Variants in TMEM35A observed in about 807,000 individuals in gnomAD.
TMEM35A encodes nicotinic acetylcholine receptor chaperone.
For missense variants in TMEM35A, 83 were observed against 132.7 expected, an observed-to-expected ratio of 0.63 and a Z score of 1.84; for synonymous variants, 50 against 54.7, an observed-to-expected ratio of 0.91 and a Z score of 0.38.
intron 1 of TMEM35A, 101 bp downstream of exon 1, chrX:101,079,223 C>T (rs1457084936): frequency 3.0e-6 from 3 of 986,038 alleles, no homozygotes; most frequent in Non-Finnish European, 1.4e-6. Context: ...CCCTTAGCCC[C>T]TATCCCCACC....
At position 101,094,882 on chromosome X, in the gene TMEM35A, C is replaced by A. The variant is rs1374347653; in HGVS notation, c.430C>A (p.Pro144Thr). ...CGAAGACCGGTCTTCTGAGAAGAAG[C>A]CTTTGCCAGGGAATGCTGAGGAGCA... ...KPEDRSSEKK[P>T]LPGNAEEQPS... The change falls in exon 2 of 2, where the codon CCT becomes ACT. Residue 144 changes from proline (P) to threonine (T), a missense_variant. Pro to Thr is a conservative substitution (Grantham distance 38). Transcript: ENST00000372930. 1.7e-6 allele frequency: 2 copies of A among 1,209,699 alleles called. No individual in the cohort carries two copies. Among genetic ancestry groups the A allele is most frequent in the Non-Finnish European group, 2.2e-6 (2 of 895,268 alleles).
intron 1 of TMEM35A, among the ~76,000 whole-genome samples, chrX:101,087,580 T>C (rs1395243946): frequency 1.8e-5 from 2 of 111,942 alleles, no homozygotes; most frequent in African/African-American, 3.2e-5. Context: ...GAAAAAAGAT[T>C]ACTGAAGTTA....
At chrX:101,082,910 G>T (rs1356631437) in intron 1 of TMEM35A, among the ~76,000 whole-genome samples, 1 of 111,423 alleles carries the variant, frequency 9.0e-6, no homozygotes, top group Non-Finnish European at 1.9e-5. Context: ...CTCCCAAAGT[G>T]CTGGGATTAC....
chrX:101,079,875 A>C (rs1053705834), intron 1 of TMEM35A, among the ~76,000 whole-genome samples: 4 of 111,960 alleles, frequency 3.6e-5, no homozygotes, highest in African/African-American at 1.3e-4. Flanking sequence ...GGCCCTCTGC[A>C]GGTTTTCCCC....
chrX:101,090,836 A>T (rs919312161), intron 1 of TMEM35A, among the ~76,000 whole-genome samples: 22 of 95,963 alleles, frequency 2.3e-4, no homozygotes, highest in African/African-American at 7.3e-4. Context: ...GTTCTGTAGA[A>T]TTTTTTTTTT....
intron 1 of TMEM35A, among the ~76,000 whole-genome samples, chrX:101,084,188 C>CAAAA (rs746718674): frequency 5.0e-3 from 160 of 31,724 alleles, no homozygotes; most frequent in East Asian, 0.01. Context: ...AACTCCATCT[C>CAAAA]AAAAAAAAAA....
rs191281576 is a variant in TMEM35A, at chrX:101,095,173, C to A, written c.*217C>A. 8 of 400,893 alleles carry A rather than the reference C, an allele frequency of 2.0e-5. 1 individual carries two copies. The Admixed American group carries it at 4.1e-4, about 20-fold the overall frequency. 33.0% of individuals were successfully genotyped at this position (400,893 alleles called of 1,213,427 possible). A position where few individuals can be genotyped will look rare whatever the true frequency, so the allele number is the denominator to read the frequency against. On this transcript the variant is annotated 3_prime_UTR_variant, in exon 2 of 2. Coordinates refer to ENST00000372930, the MANE Select transcript of TMEM35A (RefSeq NM_021637.3). ...CACCTTTAATCACTCTGGGGCAACT[C>A]TCACATCTTGCTGCATGTACATGTA... is the stretch of plus-strand genomic sequence containing the variant.
In TMEM35A at chrX:101,082,994, G is replaced by A. The variant is rs192269551; in HGVS notation, c.120+3872G>A. On this transcript the variant is annotated intron_variant, in intron 1 of 1. Transcript: ENST00000372930. Reference sequence around the variant, plus strand: ...AGATGCTATTTTCATGTGCCCTTGTGGACAGACCTTTATGCAATCAATTAA... The same window carrying A: ...AGATGCTATTTTCATGTGCCCTTGTAGACAGACCTTTATGCAATCAATTAA... Among the ~76,000 whole-genome samples the A allele has an allele frequency of 1.4e-3, 154 of 111,455 alleles. 1 individual carries two copies. Among genetic ancestry groups the A allele is most frequent in the African/African-American group, 4.8e-3 (148 of 30,668 alleles).
intron 1 of TMEM35A, chrX:101,081,941 T>C (rs1340282473): frequency 2.7e-5 from 3 of 110,803 alleles, no homozygotes; most frequent in Non-Finnish European, 5.7e-5. Context: ...GAAAGATCAT[T>C]AATGGTTAAA....
intron 1 of TMEM35A, among the ~76,000 whole-genome samples, chrX:101,093,742 A>G (rs2089330830): frequency 8.9e-6 from 1 of 112,369 alleles, no homozygotes; most frequent in Non-Finnish European, 1.9e-5. Context: ...AAAATAGCAT[A>G]AACTGGGTAG....
At chrX:101,082,103 A>G (rs763247551) in intron 1 of TMEM35A, among the ~76,000 whole-genome samples, 1 of 37,139 alleles carries the variant, frequency 2.7e-5, no homozygotes, top group African/African-American at 8.0e-5. Context: ...TAGATTTTTG[A>G]TTTGATTTCT....
intron 1 of TMEM35A, among the ~76,000 whole-genome samples, chrX:101,085,699 C>T (rs972778986): frequency 1.8e-5 from 2 of 110,622 alleles, no homozygotes; most frequent in African/African-American, 6.6e-5. Context: ...GAGGCTGAGG[C>T]GGGCGGATCA....
At chrX:101,092,839 C>T (rs1361882251) in intron 1 of TMEM35A, among the ~76,000 whole-genome samples, 7 of 110,056 alleles carry the variant, frequency 6.4e-5, no homozygotes, top group African/African-American at 1.7e-4. Flanking sequence ...CCAGCCTGGG[C>T]GACAGAGTGA....
At chrX:101,088,306 T>C (rs1368309364) in intron 1 of TMEM35A, among the ~76,000 whole-genome samples, 1 of 112,803 alleles carries the variant, frequency 8.9e-6, no homozygotes, top group Non-Finnish European at 1.9e-5. Context: ...ACTTTTGTGT[T>C]GCTAATTAGA....
At chrX:101,091,183 G>C (rs1429121849) in intron 1 of TMEM35A, among the ~76,000 whole-genome samples, 1 of 109,710 alleles carries the variant, frequency 9.1e-6, no homozygotes, top group Admixed American at 9.9e-5. Context: ...TCCCCTTCCC[G>C]TGTCCTCACT....
At position 101,081,153 on chromosome X, in the gene TMEM35A, T is replaced by C. The variant is rs141415482; in HGVS notation, c.120+2031T>C. Among the ~76,000 whole-genome samples, 1,006 of 112,769 alleles carry C rather than the reference T, an allele frequency of 8.9e-3. 12 individuals are homozygous for C. The highest frequency in any genetic ancestry group is 0.031 in the African/African-American group (960 of 31,107). ...GCAATATAGAACCATTGTGTGTGGG[T>C]GTGTATGCACACTTCTGCACTTCTG... is the stretch of plus-strand genomic sequence containing the variant. On this transcript the variant is annotated intron_variant, in intron 1 of 1. Transcript: ENST00000372930.
At position 101,078,961 on chromosome X, in the gene TMEM35A, C is replaced by T. The variant is rs2089283751; in HGVS notation, c.-42C>T. ...GCCTGCACCTTGGACAGAGCGGGTG[C>T]GCAAATCAGAAGGATTAGTTGGGAC... is the stretch of plus-strand genomic sequence containing the variant. On this transcript the variant is annotated 5_prime_UTR_variant, in exon 1 of 2. Transcript: ENST00000372930. 2.5e-6 allele frequency: 3 copies of T among 1,207,190 alleles called. No individual in the cohort carries two copies. Among genetic ancestry groups the T allele is most frequent in the African/African-American group, 3.5e-5 (2 of 57,206 alleles).
At chrX:101,081,116 T>A (rs771802619) in intron 1 of TMEM35A, among the ~76,000 whole-genome samples, 2 of 112,584 alleles carry the variant, frequency 1.8e-5, no homozygotes, top group Non-Finnish European at 3.8e-5. Flanking sequence ...TAAATAGATA[T>A]AGTGTAACAC....
intron 1 of TMEM35A, among the ~76,000 whole-genome samples, chrX:101,082,531 T>C (rs945009902): frequency 4.6e-5 from 5 of 109,345 alleles, no homozygotes; most frequent in Non-Finnish European, 9.5e-5. Flanking sequence ...TGCTATAGTA[T>C]GTGTTCAAGA....
Sources: allele counts gnomAD v4.1 joint callset (sites outside exome capture counted in the v4.1 genomes callset), GRCh38; gene constraint gnomAD v4.1.1; transcripts MANE v1.5; gene names NCBI Gene and HGNC (gene_info 2026-07-23, HGNC 2026-07-21).